RET: variants seen among roughly 807,000 people sequenced by gnomAD.
The protein encoded by RET is proto-oncogene tyrosine-protein kinase receptor Ret.
In RET, 19 loss-of-function variants were observed where a neutral mutation model predicts 118.3. The observed-to-expected ratio is 0.16, with a 90% CI of 0.11 to 0.24. The LOEUF is 0.24. Among genes scored for constraint, RET ranks in the 10% least tolerant of loss-of-function variants. The pLI, the probability that RET is intolerant of heterozygous loss-of-function variation, is 1.00. For synonymous variants in RET, 597 were observed against 644.1 expected, an observed-to-expected ratio of 0.93 and a Z score of 1.11; for missense variants, 1,219 against 1,502.1, an observed-to-expected ratio of 0.81 and a Z score of 3.12.
At chr10:43,124,330 G>A (rs1370376013) in intron 17 of RET, among the ~76,000 whole-genome samples, 4 of 152,116 alleles carry the variant, frequency 2.6e-5, no homozygotes, top group Non-Finnish European at 2.9e-5. Context: ...GGGCGTGGAG[G>A]GGGCATGCTG....
Position 43,114,660 on chromosome 10 carries a change from A to G in RET, c.2060A>G (p.Tyr687Cys), listed in dbSNP as rs778793244. 12 of 1,611,054 alleles carry G rather than the reference A, an allele frequency of 7.4e-6. No individual in the cohort carries two copies. Among genetic ancestry groups the G allele is most frequent in the African/African-American group, 5.4e-5 (4 of 74,228 alleles). The change falls in exon 11 of 20, where the codon TAC becomes TGC. Residue 687 changes from tyrosine (Y) to cysteine (C), a missense_variant. Tyr to Cys is a radical substitution (Grantham distance 194). This residue lies in a region of RET where 850 missense variants were observed against 969.6 expected (regional missense o/e 0.88). Transcript: ENST00000355710. The surrounding 1 kb of genome is among the most constrained non-coding windows in gnomAD (Gnocchi z 4.6). ...CCCGCCCAGGCCTTCCCGGTCAGCT[A>G]CTCCTCTTCCGGTGCCCGCCGGCCC... ...RRPAQAFPVSYSSSGARRPSL... is the reference protein window; with the variant it reads ...RRPAQAFPVSCSSSGARRPSL...
intron 1 of RET, 37 bp from the exon 2 acceptor site, chr10:43,100,422 T>A (rs1348983251): frequency 6.2e-7 from 1 of 1,611,784 alleles, no homozygotes; most frequent in South Asian, 1.1e-5. Context: ...GAAGCCTTAT[T>A]CTCACCATCC....
At chr10:43,086,937 G>A (rs182963135) in intron 1 of RET, among the ~76,000 whole-genome samples, 83 of 152,314 alleles carry the variant, frequency 5.4e-4, no homozygotes, top group South Asian at 2.3e-3. Context: ...GCCCAGTTGC[G>A]GACCTCCTTC....
chr10:43,095,833 G>A (rs1837511724), intron 1 of RET, among the ~76,000 whole-genome samples: 1 of 152,268 alleles, frequency 6.6e-6, no homozygotes, highest in Non-Finnish European at 1.5e-5. Context: ...TCTTTGGCAA[G>A]TGTGCTGTGA....
rs1837657327 is a variant in RET at position 43,102,329 on chromosome 10, C to T, written c.338-13C>T. 1 of 1,613,518 alleles carries T rather than the reference C, an allele frequency of 6.2e-7. No individual in the cohort carries two copies. Among genetic ancestry groups the T allele is most frequent in the Non-Finnish European group, 8.5e-7 (1 of 1,180,042 alleles). On this transcript the variant is annotated splice_polypyrimidine_tract_variant and intron_variant, in intron 2 of 19. Coordinates refer to ENST00000355710, the MANE Select transcript of RET (RefSeq NM_020975.6). ...GTGGCCGATGCCCCCACAGACCTGA[C>T]TTCTCTCTGCAGACCGCGGCTTTCC...
At chr10:43,117,369 C>T (rs934084045) in intron 12 of RET, among the ~76,000 whole-genome samples, 3 of 152,226 alleles carry the variant, frequency 2.0e-5, no homozygotes, top group Non-Finnish European at 4.4e-5. Context: ...GGTTCACCTC[C>T]AAGCCAGTAA....
At chr10:43,116,785 C>G (rs566375223) in intron 12 of RET, 54 bp downstream of exon 12, 37 of 1,398,400 alleles carry the variant, frequency 2.6e-5, no homozygotes, top group Admixed American at 7.8e-5. Context: ...GGGCGGGGGG[C>G]GGGTGAGGCC....
At chr10:43,079,512 C>T (rs572776499) in intron 1 of RET, among the ~76,000 whole-genome samples, 1 of 152,336 alleles carries the variant, frequency 6.6e-6, no homozygotes, top group South Asian at 2.1e-4. Context: ...TACAGCTGTC[C>T]CCGTTGCTTG....
At chr10:43,127,304 G>A (rs999063539) in intron 19 of RET, 1 of 1,071,314 alleles carries the variant, frequency 9.3e-7, no homozygotes, top group Admixed American at 5.0e-5. Flanking sequence ...CTGGCCCTGG[G>A]AGGACGCACC....
intron 18 of RET, among the ~76,000 whole-genome samples, chr10:43,125,531 T>G (rs1014198259): frequency 5.3e-5 from 8 of 152,234 alleles, no homozygotes; most frequent in African/African-American, 1.7e-4. Flanking sequence ...TCATTTAAAT[T>G]TCCCAGAGCC....
chr10:43,116,890 G>A (rs1838085380), intron 12 of RET, among the ~76,000 whole-genome samples, 159 bp downstream of exon 12: 1 of 152,268 alleles, frequency 6.6e-6, no homozygotes, highest in Non-Finnish European at 1.5e-5. Context: ...TGGGCCTAGA[G>A]AAGCAGAGCG....
In RET at chr10:43,113,663, G is replaced by A. The variant is rs377767402; in HGVS notation, c.1867G>A (p.Glu623Lys). The change falls in exon 10 of 20, where the codon GAA (glutamate) becomes AAA (lysine). Residue 623 changes from glutamate (E) to lysine (K), a missense_variant. Around this residue, in one of 5 missense-constraint regions of RET, gnomAD observed 850 missense variants for 969.6 expected, o/e 0.88. Transcript: ENST00000355710. ...PEEEKCFCEPEDIQDPLCDEL... is the reference protein window; with the variant it reads ...PEEEKCFCEPKDIQDPLCDEL... ...GGAGGAGAAGTGCTTCTGCGAGCCC[G>A]AAGACATCCAGGGTGAGTGGGTGGC... The A allele has an allele frequency of 6.8e-6, 11 of 1,613,194 alleles. No homozygotes were observed. Among genetic ancestry groups the A allele is most frequent in the East Asian group, 6.7e-5 (3 of 44,868 alleles).
chr10:43,105,061 G>C lies in RET; in HGVS notation c.735G>C (p.Val245=), dbSNP rs1837733166. ...ACGAGCTGGTGGCCGTGTGCACCGTGCACGCCGGCGCGCGCGAGGAGGTGG... is the reference window on the plus strand; with the variant it reads ...ACGAGCTGGTGGCCGTGTGCACCGTCCACGCCGGCGCGCGCGAGGAGGTGG... The part of the protein sequence containing the change: ...EKYELVAVCT[V]HAGAREEVVM... The change falls in exon 4 of 20, where the codon GTG becomes GTC. Residue 245 remains valine (V), a synonymous_variant. Transcript: ENST00000355710. The C allele has an allele frequency of 1.2e-6, 2 of 1,609,664 alleles. No individual in the cohort carries two copies. Among genetic ancestry groups the C allele is most frequent in the Non-Finnish European group, 1.7e-6 (2 of 1,179,580 alleles).
chr10:43,119,413 C>G lies in RET; in HGVS notation c.2393-118C>G, dbSNP rs1049421109. On this transcript the variant is annotated intron_variant, in intron 13 of 19. Coordinates refer to ENST00000355710, the MANE Select transcript of RET (RefSeq NM_020975.6). ...AGTGCTGCCTGAGGCAGGGCTGTGT[C>G]CACCCCCTTACTCATTGGGTGGCCG... 4 of 755,958 alleles carry G rather than the reference C, an allele frequency of 5.3e-6. No individual in the cohort carries two copies. In the Admixed American group the frequency reaches 6.5e-5, roughly 12 times the overall value. The allele number at this position is 755,958 out of a possible 1,614,324, so 46.8% of individuals were successfully genotyped here.
At chr10:43,110,106 C>A (rs920865499) in intron 6 of RET, among the ~76,000 whole-genome samples, 7 of 152,150 alleles carry the variant, frequency 4.6e-5, no homozygotes, top group African/African-American at 4.8e-5. Flanking sequence ...ACCTCCTTGG[C>A]CTTTAATGGG....
At chr10:43,090,027 C>A (rs1172149228) in intron 1 of RET, among the ~76,000 whole-genome samples, 1 of 152,194 alleles carries the variant, frequency 6.6e-6, no homozygotes, top group Non-Finnish European at 1.5e-5. Flanking sequence ...AGCGAGCGAG[C>A]ACCAGGGCCC....
intron 1 of RET, among the ~76,000 whole-genome samples, chr10:43,091,620 G>A (rs1837411672): frequency 7.3e-6 from 1 of 137,876 alleles, no homozygotes; most frequent in Non-Finnish European, 1.5e-5. Context: ...GACAGAGTGA[G>A]ACTCCATACA....
chr10:43,108,990 C>A, intron 5 of RET, 41 bp from the exon 6 acceptor site: 4 of 1,592,924 alleles, frequency 2.5e-6, no homozygotes, highest in Non-Finnish European at 3.4e-6. Context: ...GAGGAAGCAG[C>A]CAGAGCAGCT....
chr10:43,100,730 A>T lies in RET; in HGVS notation c.337+8A>T, dbSNP rs1159289746. ...AGAAGCTCAGTGTCCGCAGTAAGGG[A>T]GCCGCCCCAACACCCACCCCGTGCC... On this transcript the variant is annotated splice_region_variant and intron_variant, in intron 2 of 19. Coordinates refer to ENST00000355710, the MANE Select transcript of RET (RefSeq NM_020975.6). 2 of 1,587,016 alleles carry T rather than the reference A, an allele frequency of 1.3e-6. No individual in the cohort carries two copies. Among genetic ancestry groups the T allele is most frequent in the Admixed American group, 3.5e-5 (2 of 56,382 alleles).
Sources: gnomAD v4.1 joint callset for allele counts (sites outside exome capture counted in the v4.1 genomes callset) on GRCh38, gnomAD v4.1.1 for gene constraint, gnomAD v4.1.1 regional missense constraint, Gnocchi (gnomAD v3.1) non-coding constraint, MANE v1.5 for transcripts, NCBI Gene and HGNC (gene_info 2026-07-23, HGNC 2026-07-21) for gene names.